SP2: variants seen among roughly 807,000 people sequenced by gnomAD.
The protein encoded by SP2 is Sp2 transcription factor.
SP2 carries 9 observed loss-of-function variants against 50.1 expected under a neutral mutation model. That is an observed-to-expected ratio of 0.18 (90% CI 0.11 to 0.31). The LOEUF is 0.31. Among genes scored for constraint, SP2 ranks in the 10% least tolerant of loss-of-function variants. The pLI is 1.00. For missense variants in SP2, 581 were observed against 806.5 expected (o/e 0.72, Z 3.39); for synonymous variants, 313 against 326.6 (o/e 0.96, Z 0.45).
chr17:47,905,568 T>A (rs919123394), intron 1 of SP2, among the ~76,000 whole-genome samples: 6 of 152,224 alleles, frequency 3.9e-5, no homozygotes, highest in African/African-American at 1.2e-4. Flanking sequence ...TCTCATTTGC[T>A]GGGTCTCAAG....
intron 1 of SP2, chr17:47,914,837 A>G (rs1171114236): frequency 6.6e-6 from 1 of 152,576 alleles, no homozygotes; most frequent in Non-Finnish European, 1.5e-5. Flanking sequence ...ACTGAAATAG[A>G]TGTAAGGCTA....
Position 47,925,086 on chromosome 17 carries a change from G to A in SP2, c.1540G>A (p.Glu514Lys), listed in dbSNP as rs756716888. The change falls in exon 5 of 7, where the codon GAG (glutamate) becomes AAG (lysine). Residue 514 changes from glutamate (E) to lysine (K), a missense_variant. Transcript: ENST00000376741. ...ACTCPNCKDG[E>K]KRSGEQGKKK... is the part of the protein sequence containing the mutation. ...CACGTGTCCCAACTGCAAGGATGGG[G>A]AGAAGAGGTAATTCAAGGAGAAGGC... The A allele has an allele frequency of 5.6e-6, 9 of 1,608,070 alleles. No homozygotes were observed.
intron 1 of SP2, among the ~76,000 whole-genome samples, chr17:47,901,042 A>T (rs1291239183): frequency 6.6e-6 from 1 of 152,142 alleles, no homozygotes; most frequent in Non-Finnish European, 1.5e-5. Context: ...GTACAATGGG[A>T]TGTGACGCAG....
At chr17:47,898,240 G>A (rs1325288060) in intron 1 of SP2, 1 of 152,232 alleles carries the variant, frequency 6.6e-6, no homozygotes, top group Non-Finnish European at 1.5e-5. Flanking sequence ...GCCTGTCAGA[G>A]AGGAGAAAAG....
chr17:47,920,290 A>ATTT (rs71141941), intron 3 of SP2, among the ~76,000 whole-genome samples: 1 of 124,234 alleles, frequency 8.0e-6, no homozygotes, highest in African/African-American at 3.0e-5. Flanking sequence ...TAATTTTTGA[A>ATTT]TTTTTTTTTT....
chr17:47,900,449 A>G (rs2034492761), intron 1 of SP2: 1 of 152,256 alleles, frequency 6.6e-6, no homozygotes, highest in South Asian at 2.1e-4. Flanking sequence ...CTGTCTTCTC[A>G]GGGGAAATGA....
intron 1 of SP2, among the ~76,000 whole-genome samples, chr17:47,901,424 C>T (rs958905173): frequency 1.3e-5 from 2 of 151,368 alleles, no homozygotes; most frequent in Non-Finnish European, 2.9e-5. Flanking sequence ...GGATTACAGG[C>T]GTGAGCCACC....
At position 47,925,052 on chromosome 17, in the gene SP2, C is replaced by A. The variant is rs2035593035; in HGVS notation, c.1506C>A (p.Arg502=). Residue 502 remains arginine, a synonymous_variant, in exon 5 of 7, where the codon CGC becomes CGA. Coordinates refer to ENST00000376741, the MANE Select transcript of SP2 (RefSeq NM_003110.6). ...GETQPGEKRR[R]MACTCPNCKD... The stretch of plus-strand genomic sequence containing the variant: ...CCCAGCCCGGGGAGAAGCGGCGCCG[C>A]ATGGCCTGCACGTGTCCCAACTGCA... The A allele has an allele frequency of 8.7e-6, 14 of 1,613,736 alleles. No individual in the cohort carries two copies. Among genetic ancestry groups the A allele is most frequent in the African/African-American group, 5.3e-5 (4 of 74,948 alleles).
chr17:47,922,623 G>C (rs1003027555), intron 3 of SP2, among the ~76,000 whole-genome samples: 5 of 151,650 alleles, frequency 3.3e-5, no homozygotes, highest in Admixed American at 2.6e-4. Flanking sequence ...GCTCTAAAAT[G>C]TGGCTCTTAA....
chr17:47,908,163 T>A (rs933716990), intron 1 of SP2, among the ~76,000 whole-genome samples: 6 of 152,218 alleles, frequency 3.9e-5, no homozygotes, highest in Non-Finnish European at 8.8e-5. Context: ...GTCTGCAGCT[T>A]GCTTCAGTAG....
chr17:47,915,606 T>C (rs2035167878), intron 2 of SP2, among the ~76,000 whole-genome samples: 1 of 152,172 alleles, frequency 6.6e-6, no homozygotes. Context: ...CTGTGTTCCT[T>C]CCACCAGACC....
intron 1 of SP2, among the ~76,000 whole-genome samples, chr17:47,911,912 CTT>C (rs988458859): frequency 6.6e-6 from 1 of 152,160 alleles, no homozygotes; most frequent in African/African-American, 2.4e-5. Context: ...GTTCGAGACA[CTT>C]TGCAGCAGCA....
Position 47,928,909 on chromosome 17 carries a change from A to C in SP2, c.*1085A>C, listed in dbSNP as rs2035757758. On this transcript the variant is annotated 3_prime_UTR_variant, in exon 7 of 7. Transcript: ENST00000376741. ...TTTGTTGGTCAGCACTGGGCTGACA[A>C]AAATTTTTTCTTGCTAATAAATTTA... 6.6e-6 allele frequency: 1 copy of C among 152,666 alleles called. No individual in the cohort carries two copies. The highest frequency in any genetic ancestry group is 2.4e-5 in the African/African-American group (1 of 41,466). The allele number at this position is 152,666 out of a possible 1,614,324, so 9.5% of individuals were successfully genotyped here. A position where few individuals can be genotyped will look rare whatever the true frequency, so the allele number is the denominator to read the frequency against.
chr17:47,927,157 C>T (rs1433654844), intron 6 of SP2, among the ~76,000 whole-genome samples: 3 of 152,080 alleles, frequency 2.0e-5, no homozygotes, highest in Non-Finnish European at 4.4e-5. Context: ...GGTGCAGAGG[C>T]TCCAGGGACA....
downstream of SP2, among the ~76,000 whole-genome samples, chr17:47,931,063 C>T (rs888357547): frequency 1.4e-4 from 21 of 152,122 alleles, no homozygotes; most frequent in African/African-American, 4.8e-4. Flanking sequence ...TCTTTCTGGC[C>T]GGGCACAGTG....
chr17:47,896,279 A>G lies in SP2; in HGVS notation c.-8A>G. ...GAGGCGGCGGAGGCCAGGGAGGAAG[A>G]TGTCGTAATGAGCGGTGGGTCCCGG... On this transcript the variant is annotated 5_prime_UTR_variant, in exon 1 of 7. An upstream start codon of the reference 5' UTR is lost. Transcript: ENST00000376741. 1 of 1,239,316 alleles carries G rather than the reference A, an allele frequency of 8.1e-7. No individual in the cohort carries two copies. The allele number at this position is 1,239,316 out of a possible 1,614,324, so 76.8% of individuals were successfully genotyped here. A position where few individuals can be genotyped will look rare whatever the true frequency, so the allele number is the denominator to read the frequency against.
At chr17:47,896,352 C>T (rs893126980) in intron 1 of SP2, 59 bp downstream of exon 1, 4 of 1,223,944 alleles carry the variant, frequency 3.3e-6, no homozygotes, top group African/African-American at 3.1e-5. Flanking sequence ...GGAAGACGGG[C>T]AGAGGCCGCG....
At chr17:47,919,564 T>C (rs2035351842) in intron 3 of SP2, among the ~76,000 whole-genome samples, 1 of 152,140 alleles carries the variant, frequency 6.6e-6, no homozygotes, top group Admixed American at 6.5e-5. Flanking sequence ...TTTTGACTCA[T>C]TTGAGTGTAA....
intron 3 of SP2, among the ~76,000 whole-genome samples, chr17:47,921,893 A>G (rs989717791): frequency 6.6e-6 from 1 of 152,252 alleles, no homozygotes; most frequent in African/African-American, 2.4e-5. Context: ...GTATATATAA[A>G]TAGACATACC....
Sources: gnomAD v4.1 joint callset for allele counts (sites outside exome capture counted in the v4.1 genomes callset) on GRCh38, gnomAD v4.1.1 for gene constraint, MANE v1.5 for transcripts, NCBI Gene and HGNC (gene_info 2026-07-23, HGNC 2026-07-21) for gene names.